CNTLN: variants seen among roughly 807,000 people sequenced by gnomAD.
CNTLN encodes the protein centlein.
A neutral mutation model predicts 180.0 loss-of-function variants in CNTLN; 212 were observed. That is an observed-to-expected ratio of 1.18 (90% CI 1.05 to 1.32). The LOEUF is 1.32. CNTLN is among the 40% of genes most tolerant of loss of function. CNTLN has a pLI of 0.00. For synonymous variants in CNTLN, 722 were observed against 563.1 expected (o/e 1.28, Z -3.99); for missense variants, 2,095 against 1,610.9 (o/e 1.30, Z -5.14).
chr9:17,506,818 A>G (rs1176574915), downstream of CNTLN, among the ~76,000 whole-genome samples: 1 of 152,110 alleles, frequency 6.6e-6, no homozygotes, highest in Non-Finnish European at 1.5e-5. Context: ...TGGGCAGAAG[A>G]GTTGCTATTT....
chr9:17,473,931 T>C (rs1016917251), intron 23 of CNTLN, among the ~76,000 whole-genome samples: 9 of 152,202 alleles, frequency 5.9e-5, no homozygotes, highest in African/African-American at 2.2e-4. Context: ...TTTAAAGCCT[T>C]CCTTATGATG....
At position 17,253,138 on chromosome 9, in the gene CNTLN, T is replaced by C. The variant is rs576957797; in HGVS notation, c.849+16550T>C. On this transcript the variant is annotated intron_variant, in intron 5 of 25. Coordinates refer to ENST00000380647, the MANE Select transcript of CNTLN (RefSeq NM_017738.4). ...TGTTTCATTGGTCTATGTGTCTATA[T>C]TTATACCAACACCATGCTGTTTCAG... is the stretch of plus-strand genomic sequence containing the variant. 7.9e-5 allele frequency among the ~76,000 whole-genome samples: 12 copies of C among 152,026 alleles called. 1 individual carries two copies. In the South Asian group the frequency reaches 2.3e-3, roughly 29 times the overall value.
intron 18 of CNTLN, among the ~76,000 whole-genome samples, chr9:17,439,688 C>A (rs1350070144): frequency 6.6e-6 from 1 of 152,096 alleles, no homozygotes; most frequent in Non-Finnish European, 1.5e-5. Flanking sequence ...TATGTGTTCC[C>A]CCATAATTCA....
chr9:17,507,830 T>C (rs1053602303), downstream of CNTLN, among the ~76,000 whole-genome samples: 2 of 152,190 alleles, frequency 1.3e-5, no homozygotes, highest in Non-Finnish European at 2.9e-5. Context: ...TTTCCTTCTT[T>C]CTTCAGCAGA....
At chr9:17,358,067 AG>A (rs1389605883) in intron 12 of CNTLN, among the ~76,000 whole-genome samples, 31 of 152,024 alleles carry the variant, frequency 2.0e-4, no homozygotes, top group Non-Finnish European at 1.9e-4. Flanking sequence ...CAATATTTGT[AG>A]TTTTATCTAG....
At chr9:17,249,843 T>G (rs1563920502) in intron 5 of CNTLN, among the ~76,000 whole-genome samples, 1 of 150,332 alleles carries the variant, frequency 6.7e-6, no homozygotes, top group African/African-American at 2.5e-5. Flanking sequence ...GAGTAGCACG[T>G]TTATTCAGCT....
intron 2 of CNTLN, among the ~76,000 whole-genome samples, chr9:17,212,653 T>C (rs141455644): frequency 0.014 from 2,131 of 152,332 alleles, 51 homozygotes; most frequent in African/African-American, 0.048. Context: ...CTTGTACTTC[T>C]GGTAGAATTC....
At chr9:17,161,586 A>G (rs1216946589) in intron 2 of CNTLN, among the ~76,000 whole-genome samples, 1 of 152,228 alleles carries the variant, frequency 6.6e-6, no homozygotes, top group Non-Finnish European at 1.5e-5. Context: ...AAACTCCAGT[A>G]TCTTTGCCTT....
intron 2 of CNTLN, among the ~76,000 whole-genome samples, chr9:17,206,893 A>G (rs1822962799): frequency 6.6e-6 from 1 of 152,220 alleles, no homozygotes; most frequent in South Asian, 2.1e-4. Flanking sequence ...CCCAGTTGCA[A>G]AGGGCCCTCA....
rs572598815 is a variant in CNTLN at position 17,402,130 on chromosome 9, C to T, written c.2615+7061C>T. 2.6e-5 allele frequency among the ~76,000 whole-genome samples: 4 copies of T among 151,866 alleles called. No homozygotes were observed. The South Asian group carries it at 8.3e-4, about 31-fold the overall frequency. On this transcript the variant is annotated intron_variant, in intron 15 of 25. Transcript: ENST00000380647. ...CCACATATAGACACCTAAGGCTATG[C>T]GATTTCTGTTGACAACTGTTCTCTA...
intron 7 of CNTLN, among the ~76,000 whole-genome samples, chr9:17,306,429 G>A (rs908096869): frequency 5.3e-5 from 8 of 152,230 alleles, no homozygotes; most frequent in Admixed American, 2.0e-4. Context: ...GATTACGGAT[G>A]TGAGCCAACG....
chr9:17,306,888 G>A (rs913648238), intron 7 of CNTLN, among the ~76,000 whole-genome samples: 1 of 152,110 alleles, frequency 6.6e-6, no homozygotes, highest in Non-Finnish European at 1.5e-5. Flanking sequence ...GCAGTGAAGA[G>A]AAGACCGTCA....
intron 15 of CNTLN, among the ~76,000 whole-genome samples, chr9:17,399,348 T>G (rs1393628442): frequency 2.0e-5 from 3 of 152,174 alleles, no homozygotes; most frequent in Admixed American, 6.5e-5. Flanking sequence ...CTACTTCTAT[T>G]TTCTCTTATC....
downstream of CNTLN, among the ~76,000 whole-genome samples, chr9:17,504,832 G>A (rs1297274124): frequency 6.6e-6 from 1 of 152,162 alleles, no homozygotes; most frequent in African/African-American, 2.4e-5. Flanking sequence ...GCTCAGTCCT[G>A]TCAGCACCTT....
At chr9:17,179,901 T>G (rs1821012908) in intron 2 of CNTLN, among the ~76,000 whole-genome samples, 1 of 152,172 alleles carries the variant, frequency 6.6e-6, no homozygotes, top group Non-Finnish European at 1.5e-5. Context: ...CTTGGTAGAT[T>G]CTTTTATCAT....
chr9:17,223,733 T>C (rs1237391313), intron 2 of CNTLN, among the ~76,000 whole-genome samples: 1 of 152,140 alleles, frequency 6.6e-6, no homozygotes, highest in East Asian at 1.9e-4. Context: ...CACCAGCCAT[T>C]GATACTCTTA....
At chr9:17,192,467 G>A (rs900121467) in intron 2 of CNTLN, among the ~76,000 whole-genome samples, 2 of 150,958 alleles carry the variant, frequency 1.3e-5, no homozygotes, top group African/African-American at 2.4e-5. Context: ...TTGAATTCCC[G>A]ACCTCGTGAT....
chr9:17,350,421 G>A (rs1822264679), intron 12 of CNTLN, among the ~76,000 whole-genome samples: 1 of 152,064 alleles, frequency 6.6e-6, no homozygotes, highest in South Asian at 2.1e-4. Context: ...GAGAAATAAT[G>A]TTACCCCTTT....
intron 15 of CNTLN, among the ~76,000 whole-genome samples, chr9:17,403,939 C>G: frequency 6.6e-6 from 1 of 151,620 alleles, no homozygotes; most frequent in African/African-American, 2.4e-5. Context: ...CAACACCCGG[C>G]TAATTTTTGT....
Sources: allele counts gnomAD v4.1 joint callset (sites outside exome capture counted in the v4.1 genomes callset), GRCh38; gene constraint gnomAD v4.1.1; transcripts MANE v1.5; gene names NCBI Gene and HGNC (gene_info 2026-07-23, HGNC 2026-07-21).